FAM185A: variants seen among roughly 807,000 people sequenced by gnomAD.
FAM185A encodes family with sequence similarity 185 member A.
In FAM185A, 21 loss-of-function variants were observed where a neutral mutation model predicts 45.7. That is an observed-to-expected ratio of 0.46 (90% CI 0.33 to 0.66). FAM185A has a LOEUF of 0.66. FAM185A is among the 30% of genes least tolerant of loss of function. The pLI is 0.03. For synonymous variants in FAM185A, 117 were observed against 194.0 expected (o/e 0.60, Z 3.30); for missense variants, 305 against 485.4 (o/e 0.63, Z 3.49).
chr7:102,773,550 A>G (rs1055914794), intron 5 of FAM185A, among the ~76,000 whole-genome samples: 4 of 151,984 alleles, frequency 2.6e-5, no homozygotes, highest in African/African-American at 7.2e-5. Context: ...ATGTATATAT[A>G]TTTTTCCTCT....
chr7:102,758,459 TATAGTAGC>T (rs1562845522), intron 3 of FAM185A, among the ~76,000 whole-genome samples: 1 of 107,458 alleles, frequency 9.3e-6, no homozygotes, highest in African/African-American at 3.6e-5. Context: ...TTTTTTTTTT[TATAGTAGC>T]TATTGGGATT....
At chr7:102,806,007 C>T (rs1216520852) in intron 7 of FAM185A, among the ~76,000 whole-genome samples, 5 of 152,136 alleles carry the variant, frequency 3.3e-5, no homozygotes, top group Non-Finnish European at 7.3e-5. Context: ...GTCCATGTGC[C>T]AGCAGATCTG....
downstream of FAM185A, among the ~76,000 whole-genome samples, chr7:102,811,417 T>G (rs901006259): frequency 6.6e-6 from 1 of 152,234 alleles, no homozygotes; most frequent in Non-Finnish European, 1.5e-5. Context: ...GTATCCCTAT[T>G]CTTGGTCTCC....
At chr7:102,818,781 A>T in the FAM185A span, among the ~76,000 whole-genome samples, 38 of 152,270 alleles carry the variant, frequency 2.5e-4, no homozygotes, top group Non-Finnish European at 4.4e-4. Flanking sequence ...TTATTTTTTT[A>T]AAAAATTTAT....
In FAM185A at chr7:102,749,321, G is replaced by C; in HGVS notation, c.114G>C (p.Pro38=). The change falls in exon 1 of 8, where the codon CCG becomes CCC. Residue 38 remains proline (P), a synonymous_variant. Coordinates refer to ENST00000413034, the MANE Select transcript of FAM185A (RefSeq NM_001145268.2). ...CTTGCTGGGCTTGCCAAGCCAGGCC[G>C]TACAGCTCAGGTGGGAGCGAGCGCT... ...RWACWACQAR[P]YSSGGSERWP... 1 of 1,549,718 alleles carries C rather than the reference G, an allele frequency of 6.5e-7. No homozygotes were observed. The highest frequency in any genetic ancestry group is 8.7e-7 in the Non-Finnish European group (1 of 1,146,766).
chr7:102,819,651 T>C, the FAM185A span, among the ~76,000 whole-genome samples: 126 of 152,298 alleles, frequency 8.3e-4, no homozygotes, highest in Non-Finnish European at 3.1e-4. Context: ...GTGGAGAGCA[T>C]TGCTTTGTGA....
the FAM185A span, among the ~76,000 whole-genome samples, chr7:102,836,404 G>A: frequency 6.6e-6 from 1 of 152,166 alleles, no homozygotes; most frequent in South Asian, 2.1e-4. Context: ...CTGCAAGCAT[G>A]TTTCAACATA....
chr7:102,769,126 T>C (rs1275361715), intron 4 of FAM185A, among the ~76,000 whole-genome samples: 1 of 152,130 alleles, frequency 6.6e-6, no homozygotes, highest in African/African-American at 2.4e-5. Flanking sequence ...TTGTTTACTG[T>C]TTTATTTAGA....
the FAM185A span, chr7:102,827,159 C>T: frequency 4.4e-6 from 2 of 454,776 alleles, no homozygotes; most frequent in African/African-American, 4.0e-5. Flanking sequence ...ACCTTTAGCC[C>T]TTAGCCTCTT....
chr7:102,751,262 C>G (rs1793344659), intron 1 of FAM185A, among the ~76,000 whole-genome samples: 1 of 152,106 alleles, frequency 6.6e-6, no homozygotes, highest in Admixed American at 6.5e-5. Flanking sequence ...CAAAGTTGTT[C>G]CCATTTTTAA....
At chr7:102,779,068 C>T (rs1197154109) in intron 6 of FAM185A, among the ~76,000 whole-genome samples, 1 of 152,204 alleles carries the variant, frequency 6.6e-6, no homozygotes, top group Non-Finnish European at 1.5e-5. Context: ...AATCTGAGTA[C>T]TGACTTTTCT....
intron 2 of FAM185A, among the ~76,000 whole-genome samples, chr7:102,753,454 TCA>T (rs1018786177): frequency 4.6e-5 from 7 of 152,154 alleles, no homozygotes; most frequent in African/African-American, 1.7e-4. Context: ...ACAAACCTTT[TCA>T]GTCAGGTGAT....
rs183857803 is a variant in FAM185A, at chr7:102,752,210, A to T, written c.561+409A>T. On this transcript the variant is annotated intron_variant, in intron 2 of 7. Coordinates refer to ENST00000413034, the MANE Select transcript of FAM185A (RefSeq NM_001145268.2). ...TTTTTAATGTACCAGGTAGCTCATT[A>T]CTTAAGGATTAAGTAGTTATTTGTG... 1.3e-3 allele frequency among the ~76,000 whole-genome samples: 200 copies of T among 152,186 alleles called. 1 individual carries two copies. Among genetic ancestry groups the T allele is most frequent in the African/African-American group, 4.6e-3 (192 of 41,524 alleles).
At chr7:102,750,121 G>A (rs891487536) in intron 1 of FAM185A, among the ~76,000 whole-genome samples, 4 of 152,138 alleles carry the variant, frequency 2.6e-5, no homozygotes, top group African/African-American at 9.7e-5. Context: ...TTAGACGGGC[G>A]CCCAGCTTCT....
At chr7:102,791,337 CAGA>C (rs750739543) in intron 7 of FAM185A, among the ~76,000 whole-genome samples, 28 of 152,232 alleles carry the variant, frequency 1.8e-4, no homozygotes, top group Admixed American at 3.3e-4. Context: ...AGTAATTCAG[CAGA>C]AGGAGTACAG....
the FAM185A span, chr7:102,821,984 T>C: frequency 1.9e-5 from 29 of 1,554,376 alleles, no homozygotes; most frequent in Non-Finnish European, 2.6e-5. Context: ...AGCCATATAC[T>C]ATGTTTTCTC....
At chr7:102,806,091 G>C (rs191614711) in intron 7 of FAM185A, among the ~76,000 whole-genome samples, 1 of 152,248 alleles carries the variant, frequency 6.6e-6, no homozygotes, top group East Asian at 1.9e-4. Flanking sequence ...GGTTCTTATA[G>C]AAAACAAAAC....
chr7:102,780,107 C>T (rs2129439001), intron 6 of FAM185A, among the ~76,000 whole-genome samples: 1 of 152,118 alleles, frequency 6.6e-6, no homozygotes, highest in Admixed American at 6.5e-5. Context: ...TTATCTCAAA[C>T]TTCTAGCTCC....
chr7:102,758,764 G>A (rs1340153417), intron 3 of FAM185A, among the ~76,000 whole-genome samples: 1 of 151,810 alleles, frequency 6.6e-6, no homozygotes, highest in East Asian at 1.9e-4. Flanking sequence ...GTAGATTATT[G>A]TTGGCATAAT....
Sources: allele counts gnomAD v4.1 joint callset (sites outside exome capture counted in the v4.1 genomes callset), GRCh38; gene constraint gnomAD v4.1.1; transcripts MANE v1.5; gene names NCBI Gene and HGNC (gene_info 2026-07-23, HGNC 2026-07-21).